Variants in MYOM2 observed in about 807,000 individuals in gnomAD.
MYOM2 encodes the protein myomesin 2, also known as myomesin-2.
In MYOM2, 254 loss-of-function variants were observed where a neutral mutation model predicts 187.6. The observed-to-expected ratio is 1.35, with a 90% CI of 1.22 to 1.50. The LOEUF (loss-of-function observed/expected upper bound fraction) is 1.50, where lower values mean the gene tolerates loss of function less well. Among genes scored for constraint, MYOM2 ranks in the 40% most tolerant of loss-of-function variants. The pLI is 0.00. For missense variants in MYOM2, 2,796 were observed against 1,924.0 expected, an observed-to-expected ratio of 1.45 and a Z score of -8.48; for synonymous variants, 981 against 753.8, an observed-to-expected ratio of 1.30 and a Z score of -4.94.
rs1291322817 is a variant in MYOM2 at position 2,145,381 on chromosome 8, G to T, written c.*400G>T. The T allele has an allele frequency of 3.7e-6, 1 of 272,622 alleles. No homozygotes were observed. 16.9% of individuals were successfully genotyped at this position (272,622 alleles called of 1,614,324 possible). ...ATCTAGCATCTCTGAAATCCTGGCT[G>T]TCGAGGCTTTGAAGCATGTGTTACC... On this transcript the variant is annotated 3_prime_UTR_variant, in exon 37 of 37. Transcript: ENST00000262113.
intron 25 of MYOM2, among the ~76,000 whole-genome samples, chr8:2,109,800 T>C (rs901728389): frequency 3.9e-5 from 6 of 152,164 alleles, no homozygotes; most frequent in Non-Finnish European, 8.8e-5. Flanking sequence ...TGTGAAAAGG[T>C]TTAGGTCAGG....
At position 2,085,418 on chromosome 8, in the gene MYOM2, A is replaced by T. The variant is rs200482282; in HGVS notation, c.1644+28A>T. ...AAACTCCGGGCCCGTGTCCTGGAAA[A>T]GTAGATCTCTGCATGGCCCCCCACT... On this transcript the variant is annotated intron_variant, in intron 14 of 36. Transcript: ENST00000262113. 8.3e-6 allele frequency: 13 copies of T among 1,563,120 alleles called. No individual in the cohort carries two copies. In the Admixed American group the frequency reaches 1.6e-4, roughly 19 times the overall value.
At position 2,059,174 on chromosome 8, in the gene MYOM2, T is replaced by C. The variant is rs1438364100; in HGVS notation, c.582T>C (p.Ile194=). The C allele has an allele frequency of 6.2e-7, 1 of 1,614,022 alleles. No individual in the cohort carries two copies. Among genetic ancestry groups the C allele is most frequent in the Non-Finnish European group, 8.5e-7 (1 of 1,180,020 alleles). The change falls in exon 6 of 37, where the codon ATT becomes ATC. Residue 194 remains isoleucine (I), a synonymous_variant. Coordinates refer to ENST00000262113, the MANE Select transcript of MYOM2 (RefSeq NM_003970.4). ...VVQWYKDGSL[I]CQAAEPGKYR... Reference sequence around the variant, plus strand: ...TTAGGTACAAAGATGGCAGTCTGATTTGCCAGGCGGCTGAACCGGGAAAGT... The same window carrying C: ...TTAGGTACAAAGATGGCAGTCTGATCTGCCAGGCGGCTGAACCGGGAAAGT...
intron 28 of MYOM2, among the ~76,000 whole-genome samples, chr8:2,121,765 T>TAAA (rs1306970287): frequency 1.3e-5 from 2 of 152,206 alleles, no homozygotes; most frequent in African/African-American, 2.4e-5. Flanking sequence ...GAAAATCTGT[T>TAAA]AAACATTCCT....
At chr8:2,069,616 C>G (rs1819146599) in intron 8 of MYOM2, 119 bp downstream of exon 8, 2 of 1,267,398 alleles carry the variant, frequency 1.6e-6, no homozygotes, top group South Asian at 1.3e-5. Flanking sequence ...GAGTCTCACT[C>G]TGTCACCCAG....
At chr8:2,124,794 G>A (rs1797580852) in intron 31 of MYOM2, among the ~76,000 whole-genome samples, 1 of 152,112 alleles carries the variant, frequency 6.6e-6, no homozygotes, top group African/African-American at 2.4e-5. Context: ...TCTAACAGGT[G>A]TGAGATGATA....
At chr8:2,134,096 T>A (rs1007956245) in intron 32 of MYOM2, among the ~76,000 whole-genome samples, 2 of 152,204 alleles carry the variant, frequency 1.3e-5, no homozygotes, top group Non-Finnish European at 2.9e-5. Flanking sequence ...TGAATGATGA[T>A]GTAATACTAT....
At chr8:2,084,746 A>C (rs1466834332) in intron 13 of MYOM2, among the ~76,000 whole-genome samples, 1 of 152,338 alleles carries the variant, frequency 6.6e-6, no homozygotes, top group East Asian at 1.9e-4. Flanking sequence ...TGAATATGGT[A>C]CTGAGCTTTT....
chr8:2,079,035 G>T, intron 12 of MYOM2, 102 bp downstream of exon 12: 1 of 1,143,916 alleles, frequency 8.7e-7, no homozygotes. Flanking sequence ...TGAGCCCTGA[G>T]AATGCCCTGT....
chr8:2,083,938 A>C (rs1819722193), intron 13 of MYOM2, among the ~76,000 whole-genome samples: 1 of 152,220 alleles, frequency 6.6e-6, no homozygotes, highest in Non-Finnish European at 1.5e-5. Flanking sequence ...AAAGGCAGCA[A>C]GACAGTTCCG....
chr8:2,099,065 C>T (rs910108094), intron 19 of MYOM2, 82 bp downstream of exon 19: 20 of 1,458,572 alleles, frequency 1.4e-5, no homozygotes, highest in Middle Eastern at 2.5e-4. Flanking sequence ...ACTCTGGACT[C>T]GCCAGCCTTC....
At chr8:2,058,087 C>G (rs1385666803) in intron 5 of MYOM2, among the ~76,000 whole-genome samples, 1 of 135,906 alleles carries the variant, frequency 7.4e-6, no homozygotes, top group Non-Finnish European at 1.5e-5. Flanking sequence ...GGTGTGATCT[C>G]AGCTCAGTGC....
intron 28 of MYOM2, among the ~76,000 whole-genome samples, chr8:2,120,678 TATTATATATAAATATATA>T (rs1797407395): frequency 2.3e-5 from 1 of 44,196 alleles, no homozygotes; most frequent in Non-Finnish European, 3.8e-5. Context: ...ATATATATTA[TATTATATATAAATATATA>T]ATATATATAT....
At chr8:2,072,091 T>A (rs901624120) in intron 8 of MYOM2, among the ~76,000 whole-genome samples, 1 of 152,154 alleles carries the variant, frequency 6.6e-6, no homozygotes, top group African/African-American at 2.4e-5. Flanking sequence ...AAAGACGTGC[T>A]TTTGCGGTGA....
chr8:2,083,434 ATG>A (rs372546045), intron 13 of MYOM2, among the ~76,000 whole-genome samples: 40,116 of 150,568 alleles, frequency 0.27, 5,424 homozygotes, highest in East Asian at 0.33. Context: ...GCAGTATCTC[ATG>A]TGTGCTTAGC....
intron 32 of MYOM2, among the ~76,000 whole-genome samples, chr8:2,134,307 C>A (rs35668154): frequency 0.13 from 19,793 of 152,062 alleles, 2,171 homozygotes; most frequent in African/African-American, 0.28. Flanking sequence ...CACTCGGAAG[C>A]ACGCCCCTCT....
chr8:2,134,933 G>A (rs1329719391), intron 32 of MYOM2, among the ~76,000 whole-genome samples: 6 of 152,066 alleles, frequency 3.9e-5, no homozygotes, highest in Non-Finnish European at 1.5e-5. Flanking sequence ...AGGGAGCCGC[G>A]GGTCTTACAT....
intron 28 of MYOM2, chr8:2,119,271 C>G (rs1161275004): frequency 6.6e-6 from 1 of 152,322 alleles, no homozygotes. Context: ...AAAGGACAGC[C>G]TTTAGAGACA....
rs1271954283 is a variant in MYOM2, at chr8:2,098,961, G to A, written c.2418G>A (p.Glu806=). 4 of 1,610,850 alleles carry A rather than the reference G, an allele frequency of 2.5e-6. No homozygotes were observed. In the Admixed American group the frequency reaches 5.0e-5, roughly 20 times the overall value. ...ATCCCAGTGAGCACTTCAAGTGTGA[G>A]GCCTGGACCATGCCGGAGCCCGGTG... The part of the protein sequence containing the change: ...PSDPSEHFKC[E]AWTMPEPGPA... The change falls in exon 19 of 37, where the codon GAG becomes GAA. Residue 806 remains glutamate, a synonymous_variant. Coordinates refer to ENST00000262113, the MANE Select transcript of MYOM2 (RefSeq NM_003970.4).
Sources: allele counts gnomAD v4.1 joint callset (sites outside exome capture counted in the v4.1 genomes callset), GRCh38; gene constraint gnomAD v4.1.1; transcripts MANE v1.5; gene names NCBI Gene and HGNC (gene_info 2026-07-23, HGNC 2026-07-21).